FBXW10: variants seen among roughly 807,000 people sequenced by gnomAD.
FBXW10 encodes the protein F-box/WD repeat-containing protein 10.
Under a neutral mutation model 113.1 loss-of-function variants are expected in FBXW10, and 68 were observed. That is an observed-to-expected ratio of 0.60 (90% CI 0.49 to 0.74). The LOEUF (loss-of-function observed/expected upper bound fraction) is 0.74. Among genes scored for constraint, FBXW10 ranks in the 30% least tolerant of loss-of-function variants. The pLI is 0.00. For synonymous variants in FBXW10, 289 were observed against 481.6 expected (o/e 0.60, Z 5.24); for missense variants, 753 against 1,284.5 (o/e 0.59, Z 6.32).
At chr17:18,758,662 T>G (rs1332044234) in intron 7 of FBXW10, among the ~76,000 whole-genome samples, 157 bp downstream of exon 7, 2 of 113,504 alleles carry the variant, frequency 1.8e-5, no homozygotes, top group Non-Finnish European at 3.7e-5. Flanking sequence ...AAGGAAAAAG[T>G]CAGGAATGTA....
intron 11 of FBXW10, 58 bp from the exon 12 acceptor site, chr17:18,772,354 G>A (rs2151829471): frequency 6.5e-7 from 1 of 1,527,442 alleles, no homozygotes; most frequent in Non-Finnish European, 8.9e-7. Flanking sequence ...TAACTGCAGT[G>A]CATCTTTCGG....
intron 7 of FBXW10, 65 bp from the exon 8 acceptor site, chr17:18,764,677 T>G: frequency 1.2e-6 from 2 of 1,612,252 alleles, no homozygotes; most frequent in Non-Finnish European, 1.7e-6. Flanking sequence ...TCTACATGGG[T>G]TCTACGCAGT....
At chr17:18,767,064 C>A (rs1383193023) in intron 9 of FBXW10, among the ~76,000 whole-genome samples, 1 of 152,150 alleles carries the variant, frequency 6.6e-6, no homozygotes, top group African/African-American at 2.4e-5. Context: ...CACATCATGA[C>A]CCACGGTATC....
chr17:18,760,539 C>T (rs1031535032), intron 7 of FBXW10, among the ~76,000 whole-genome samples: 11 of 152,220 alleles, frequency 7.2e-5, no homozygotes, highest in African/African-American at 1.9e-4. Context: ...CGCGGTGGCT[C>T]ATGCCTGTAA....
chr17:18,750,472 C>T (rs1226080955), intron 4 of FBXW10, among the ~76,000 whole-genome samples: 2 of 151,158 alleles, frequency 1.3e-5, no homozygotes, highest in East Asian at 3.9e-4. Context: ...AAATGTGTCT[C>T]TGCATCAACC....
At chr17:18,766,540 G>T (rs991020004) in intron 8 of FBXW10, among the ~76,000 whole-genome samples, 174 bp from the exon 9 acceptor site, 3 of 152,144 alleles carry the variant, frequency 2.0e-5, no homozygotes, top group Admixed American at 6.5e-5. Flanking sequence ...GCACATGAGC[G>T]GTTGGTGAGC....
chr17:18,763,257 C>T lies in FBXW10; in HGVS notation c.1434-1485C>T, dbSNP rs1348962416. 9.2e-5 allele frequency among the ~76,000 whole-genome samples: 14 copies of T among 151,540 alleles called. 1 individual carries two copies. The highest frequency in any genetic ancestry group is 1.2e-4 in the Non-Finnish European group (8 of 67,920). On this transcript the variant is annotated intron_variant, in intron 7 of 13. Coordinates refer to ENST00000395665, the MANE Select transcript of FBXW10 (RefSeq NM_001267585.2). Reference sequence around the variant, plus strand: ...CTGCAAGCTCTGCCTCCCAGGTTCACGCCATTCTCCTGCCTCAGCCTCCCG... The same window carrying T: ...CTGCAAGCTCTGCCTCCCAGGTTCATGCCATTCTCCTGCCTCAGCCTCCCG...
intron 7 of FBXW10, among the ~76,000 whole-genome samples, chr17:18,761,226 T>C (rs2035375759): frequency 6.6e-6 from 1 of 152,106 alleles, no homozygotes; most frequent in Non-Finnish European, 1.5e-5. Flanking sequence ...TTGGAGAATG[T>C]TTTAAAATGT....
At chr17:18,766,686 T>A (rs1188301345) in intron 8 of FBXW10, 28 bp from the exon 9 acceptor site, 1 of 1,610,662 alleles carries the variant, frequency 6.2e-7, no homozygotes, top group Non-Finnish European at 8.5e-7. Flanking sequence ...CCCACTCCCA[T>A]GTCTTCCTCT....
Position 18,744,201 on chromosome 17 carries a change from G to A in FBXW10, c.-44G>A, listed in dbSNP as rs772826093. 27 of 1,532,902 alleles carry A rather than the reference G, an allele frequency of 1.8e-5. No individual in the cohort carries two copies. The highest frequency in any genetic ancestry group is 2.1e-5 in the Non-Finnish European group (24 of 1,135,876). 95.0% of individuals were successfully genotyped at this position (1,532,902 alleles called of 1,614,324 possible). A position where few individuals can be genotyped will look rare whatever the true frequency, so the allele number is the denominator to read the frequency against. ...TCCTCTAGTGTTTGGTGGCGTTGCC[G>A]TTGCAAGTGCGCAGGGCTAAAATGG... On this transcript the variant is annotated 5_prime_UTR_variant, in exon 1 of 14. Coordinates refer to ENST00000395665, the MANE Select transcript of FBXW10 (RefSeq NM_001267585.2).
chr17:18,767,247 C>T (rs1265146170), intron 9 of FBXW10, among the ~76,000 whole-genome samples: 2 of 151,778 alleles, frequency 1.3e-5, no homozygotes, highest in Non-Finnish European at 2.9e-5. Context: ...CCGAGGCAGG[C>T]GGATCATGAG....
rs1391036514 is a variant in FBXW10, at chr17:18,748,073, A to T, written c.638A>T (p.Asn213Ile). The change falls in exon 2 of 14, where the codon AAT (asparagine) becomes ATT (isoleucine). Residue 213 changes from asparagine to isoleucine, a missense_variant. Transcript: ENST00000395665. ...CTTCCTTTGTCCAAAGCCCCAGAAA[A>T]TGAACACTTGCTTGGGGCAGCATCT... ...TSLPLSKAPE[N>I]EHLLGAASNP... 6.2e-7 allele frequency: 1 copy of T among 1,613,762 alleles called. No homozygotes were observed. Among genetic ancestry groups the T allele is most frequent in the African/African-American group, 1.3e-5 (1 of 74,888 alleles).
At chr17:18,753,341 T>C (rs894198016) in intron 5 of FBXW10, among the ~76,000 whole-genome samples, 2 of 151,678 alleles carry the variant, frequency 1.3e-5, no homozygotes, top group African/African-American at 4.8e-5. Context: ...TGCAGAAAGA[T>C]GTATAGGGAC....
chr17:18,770,688 A>G (rs1453422612), intron 11 of FBXW10, among the ~76,000 whole-genome samples: 1 of 152,108 alleles, frequency 6.6e-6, no homozygotes, highest in Non-Finnish European at 1.5e-5. Flanking sequence ...AGTTCTACCA[A>G]TGTGCAGCCC....
intron 5 of FBXW10, among the ~76,000 whole-genome samples, 171 bp downstream of exon 5, chr17:18,751,224 CTTTTTTT>C (rs11331150): frequency 7.1e-6 from 1 of 140,132 alleles, no homozygotes; most frequent in Admixed American, 7.2e-5. Flanking sequence ...GACACTTCCT[CTTTTTTT>C]TTTTTTTTTA....
At chr17:18,756,747 C>T (rs573466042) in intron 6 of FBXW10, among the ~76,000 whole-genome samples, 4 of 152,266 alleles carry the variant, frequency 2.6e-5, no homozygotes, top group East Asian at 1.9e-4. Flanking sequence ...TGCTGAGAGA[C>T]GAAGTTCCTT....
chr17:18,755,893 C>T (rs2035251577), intron 5 of FBXW10, 152 bp from the exon 6 acceptor site: 2 of 604,494 alleles, frequency 3.3e-6, no homozygotes, highest in Admixed American at 6.1e-5. Context: ...TGCTTGCTCA[C>T]TGGCTGCTCC....
intron 12 of FBXW10, among the ~76,000 whole-genome samples, chr17:18,773,387 G>A (rs1258408683): frequency 1.3e-5 from 2 of 152,136 alleles, no homozygotes; most frequent in African/African-American, 2.4e-5. Context: ...GACAGAGACA[G>A]AAGTTGTTAT....
intron 7 of FBXW10, 87 bp from the exon 8 acceptor site, chr17:18,764,655 A>C: frequency 6.3e-7 from 1 of 1,585,720 alleles, no homozygotes; most frequent in Non-Finnish European, 8.6e-7. Flanking sequence ...CTGCCTCCCA[A>C]CTAACTACTT....
Sources: gnomAD v4.1 joint callset for allele counts (sites outside exome capture counted in the v4.1 genomes callset) on GRCh38, gnomAD v4.1.1 for gene constraint, MANE v1.5 for transcripts, NCBI Gene and HGNC (gene_info 2026-07-23, HGNC 2026-07-21) for gene names.